COLGALT2: variants seen among roughly 807,000 people sequenced by gnomAD.
COLGALT2 encodes the protein collagen beta(1-O)galactosyltransferase 2, also known as procollagen galactosyltransferase 2.
A neutral mutation model predicts 73.4 loss-of-function variants in COLGALT2; 49 were observed. That is an observed-to-expected ratio of 0.67 (90% CI 0.53 to 0.85). The LOEUF (loss-of-function observed/expected upper bound fraction) is 0.85. Ranked by LOEUF, COLGALT2 falls within the 40% of genes least tolerant of loss-of-function variation. The probability of loss-of-function intolerance (pLI) is 0.00; values close to 1 mark genes in which losing one functional copy is unlikely to be tolerated. For synonymous variants in COLGALT2, 295 were observed against 307.6 expected (o/e 0.96, Z 0.43); for missense variants, 722 against 790.2 (o/e 0.91, Z 1.03).
At chr1:183,991,663 C>T (rs751412) in intron 1 of COLGALT2, among the ~76,000 whole-genome samples, 3 of 152,174 alleles carry the variant, frequency 2.0e-5, no homozygotes, top group Admixed American at 2.0e-4. Context: ...TCCCATATCA[C>T]TTCATTTGTG....
At chr1:183,975,259 A>T in intron 2 of COLGALT2, 45 bp from the exon 3 acceptor site, 1 of 1,213,720 alleles carries the variant, frequency 8.2e-7, no homozygotes, top group Non-Finnish European at 1.2e-6. Flanking sequence ...GCCTACATGT[A>T]CCAGGCTCTG....
At position 184,037,348 on chromosome 1, in the gene COLGALT2, G is replaced by C; in HGVS notation, c.10C>G (p.Arg4Gly). The C allele has an allele frequency of 6.7e-7, 1 of 1,482,756 alleles. No individual in the cohort carries two copies. The highest frequency in any genetic ancestry group is 1.3e-5 in the South Asian group (1 of 78,296). 91.8% of individuals were successfully genotyped at this position (1,482,756 alleles called of 1,614,324 possible). MAA[R>G]PAATLAWSLL... is the part of the protein sequence containing the mutation. ...GACCAGGCGAGGGTGGCAGCAGGGC[G>C]CGCAGCCATGTTCCGGGCCGAGGCG... The change falls in exon 1 of 12, where the codon CGC (arginine) becomes GGC (glycine). Residue 4 changes from arginine to glycine, a missense_variant. Transcript: ENST00000361927.
Position 184,008,259 on chromosome 1 carries a change from C to T in COLGALT2, c.263+28836G>A, listed in dbSNP as rs116852137. 8.8e-4 allele frequency among the ~76,000 whole-genome samples: 134 copies of T among 151,644 alleles called. 1 individual carries two copies. The East Asian group carries it at 0.022, about 25-fold the overall frequency. Reference sequence around the variant, plus strand: ...TGACAGGCCTGTATTTTTTTAAGATCGATAGTATCAAAGAGAAAGGCTGAA... The same window carrying T: ...TGACAGGCCTGTATTTTTTTAAGATTGATAGTATCAAAGAGAAAGGCTGAA... On this transcript the variant is annotated intron_variant, in intron 1 of 11. Coordinates refer to ENST00000361927, the MANE Select transcript of COLGALT2 (RefSeq NM_015101.4).
intron 1 of COLGALT2, among the ~76,000 whole-genome samples, chr1:183,983,084 G>C (rs1193573333): frequency 2.0e-5 from 3 of 152,240 alleles, no homozygotes; most frequent in African/African-American, 7.2e-5. Flanking sequence ...CAGATGCACA[G>C]ATTTCAAATA....
chr1:183,998,143 G>T (rs1006078411), intron 1 of COLGALT2, among the ~76,000 whole-genome samples: 14 of 152,162 alleles, frequency 9.2e-5, no homozygotes, highest in African/African-American at 3.4e-4. Context: ...AGTGTCTATT[G>T]CATATATATT....
rs1009057869 is a variant in COLGALT2 at position 183,937,933 on chromosome 1, G to A, written c.*828C>T. On this transcript the variant is annotated 3_prime_UTR_variant, in exon 12 of 12. Transcript: ENST00000361927. ...GTAGCAGCGCGCAAACCCGGGACAG[G>A]GCAGGATGCACAGCCAGTCCTCACC... 4.1e-6 allele frequency: 4 copies of A among 985,226 alleles called. No individual in the cohort carries two copies. In the African/African-American group the frequency reaches 7.0e-5, roughly 17 times the overall value. 61.0% of individuals were successfully genotyped at this position (985,226 alleles called of 1,614,324 possible).
At chr1:184,008,720 A>G (rs373170798) in intron 1 of COLGALT2, among the ~76,000 whole-genome samples, 10 of 152,294 alleles carry the variant, frequency 6.6e-5, no homozygotes, top group African/African-American at 2.4e-4. Flanking sequence ...ACAGAATTAG[A>G]TCCTGTCTCT....
At chr1:184,024,789 C>G (rs1211400568) in intron 1 of COLGALT2, among the ~76,000 whole-genome samples, 1 of 151,534 alleles carries the variant, frequency 6.6e-6, no homozygotes. Flanking sequence ...GACCTGTTAT[C>G]AAAACTGGCT....
At chr1:183,994,176 C>T (rs1671709175) in intron 1 of COLGALT2, among the ~76,000 whole-genome samples, 1 of 150,172 alleles carries the variant, frequency 6.7e-6, no homozygotes, top group Non-Finnish European at 1.5e-5. Context: ...GTAGCTGGGA[C>T]TACAGGCACC....
intron 6 of COLGALT2, among the ~76,000 whole-genome samples, chr1:183,963,144 C>T (rs1265377054): frequency 6.6e-6 from 1 of 152,218 alleles, no homozygotes; most frequent in Admixed American, 6.5e-5. Context: ...TGACTGAGCA[C>T]AGCAATTCAT....
chr1:183,939,512 C>T (rs1293186809), intron 11 of COLGALT2, among the ~76,000 whole-genome samples: 1 of 152,194 alleles, frequency 6.6e-6, no homozygotes, highest in Non-Finnish European at 1.5e-5. Flanking sequence ...GTAAAGGAGA[C>T]GGATGACTTG....
chr1:184,017,465 G>A (rs1370666990), intron 1 of COLGALT2, among the ~76,000 whole-genome samples: 4 of 152,010 alleles, frequency 2.6e-5, no homozygotes, highest in South Asian at 2.1e-4. Context: ...CCTTTCCCAC[G>A]TGTCAAGTGA....
Position 183,953,013 on chromosome 1 carries a change from A to C in COLGALT2, c.1029+1749T>G, listed in dbSNP as rs563720775. Among the ~76,000 whole-genome samples the C allele has an allele frequency of 2.1e-3, 327 of 152,310 alleles. 3 individuals are homozygous for C. The highest frequency in any genetic ancestry group is 2.2e-3 in the Non-Finnish European group (153 of 68,024). ...GAACAAAAACAGAACAGAACAAAAA[A>C]TCAACAGAAATAAATCCAAAAAGGC... On this transcript the variant is annotated intron_variant, in intron 7 of 11. Transcript: ENST00000361927.
chr1:184,022,194 A>T (rs116685041), intron 1 of COLGALT2, among the ~76,000 whole-genome samples: 2,398 of 152,336 alleles, frequency 0.016, 59 homozygotes, highest in African/African-American at 0.054. Context: ...CAATTATTTC[A>T]GATAAGACAG....
At chr1:183,997,374 G>A (rs1366730696) in intron 1 of COLGALT2, among the ~76,000 whole-genome samples, 1 of 152,066 alleles carries the variant, frequency 6.6e-6, no homozygotes, top group Admixed American at 6.6e-5. Context: ...TTTGAAGTCC[G>A]CTTTGTGCCT....
chr1:183,992,692 C>T (rs1430593712), intron 1 of COLGALT2, among the ~76,000 whole-genome samples: 1 of 152,176 alleles, frequency 6.6e-6, no homozygotes, highest in Non-Finnish European at 1.5e-5. Context: ...TGAAAGGATG[C>T]CTGATGCACT....
At chr1:184,030,815 C>T (rs1649490040) in intron 1 of COLGALT2, among the ~76,000 whole-genome samples, 1 of 152,174 alleles carries the variant, frequency 6.6e-6, no homozygotes, top group Non-Finnish European at 1.5e-5. Context: ...GAAGGATATT[C>T]ATTATAAAAT....
chr1:183,958,904 C>T (rs1268999482), intron 6 of COLGALT2, among the ~76,000 whole-genome samples: 1 of 151,766 alleles, frequency 6.6e-6, no homozygotes, highest in Admixed American at 6.6e-5. Context: ...AAACCTTTCC[C>T]TTGACCTCTT....
At chr1:183,973,457 C>T (rs1671104480) in intron 4 of COLGALT2, among the ~76,000 whole-genome samples, 159 bp downstream of exon 4, 1 of 151,992 alleles carries the variant, frequency 6.6e-6, no homozygotes, top group South Asian at 2.1e-4. Flanking sequence ...TAGCATTGGA[C>T]CCAGATTTAC....
Sources: gnomAD v4.1 joint callset for allele counts (sites outside exome capture counted in the v4.1 genomes callset) on GRCh38, gnomAD v4.1.1 for gene constraint, MANE v1.5 for transcripts, NCBI Gene and HGNC (gene_info 2026-07-23, HGNC 2026-07-21) for gene names.